Variants in GADD45GIP1 observed in about 807,000 individuals in gnomAD.
The protein encoded by GADD45GIP1 is GADD45G interacting protein 1, also known as large ribosomal subunit protein mL64.
Under a neutral mutation model 22.1 loss-of-function variants are expected in GADD45GIP1, and 17 were observed. That is an observed-to-expected ratio of 0.77 (90% CI 0.53 to 1.15). The LOEUF (loss-of-function observed/expected upper bound fraction) is 1.15, where lower values mean the gene tolerates loss of function less well. Among genes scored for constraint, GADD45GIP1 ranks in the 50% most tolerant of loss-of-function variants. The pLI, the probability that GADD45GIP1 is intolerant of heterozygous loss-of-function variation, is 0.00. For synonymous variants in GADD45GIP1, 135 were observed against 138.4 expected, an observed-to-expected ratio of 0.98 and a Z score of 0.17; for missense variants, 294 against 314.0, an observed-to-expected ratio of 0.94 and a Z score of 0.48.
At position 12,953,890 on chromosome 19, in the gene GADD45GIP1, A is replaced by C; in HGVS notation, c.*318T>G. The stretch of plus-strand genomic sequence containing the variant: ...ATCATCACCACAGTCTGTTTTGGCT[A>C]TACTTCCCCCCCCACCAGCCTTGTA... On this transcript the variant is annotated 3_prime_UTR_variant, in exon 2 of 2. Transcript: ENST00000316939. 1 of 267,928 alleles carries C rather than the reference A, an allele frequency of 3.7e-6. No homozygotes were observed. The highest frequency in any genetic ancestry group is 2.2e-5 in the African/African-American group (1 of 44,620). The allele number at this position is 267,928 out of a possible 1,614,324, so 16.6% of individuals were successfully genotyped here. A position where few individuals can be genotyped will look rare whatever the true frequency, so the allele number is the denominator to read the frequency against.
chr19:12,954,924 C>A (rs1483799672), intron 1 of GADD45GIP1, among the ~76,000 whole-genome samples: 1 of 152,210 alleles, frequency 6.6e-6, no homozygotes, highest in Non-Finnish European at 1.5e-5. Context: ...CATTTCCCAC[C>A]AATCCTTGAG....
Position 12,956,916 on chromosome 19 carries a change from C to T in GADD45GIP1, c.297G>A (p.Met99Ile). The T allele has an allele frequency of 1.3e-6, 2 of 1,599,842 alleles. No individual in the cohort carries two copies. The highest frequency in any genetic ancestry group is 1.7e-6 in the Non-Finnish European group (2 of 1,179,802). The change falls in exon 1 of 2, where the codon ATG becomes ATA. Residue 99 changes from methionine (M) to isoleucine (I), a missense_variant. Physicochemically the swap from Met to Ile is conservative, Grantham distance 10. Coordinates refer to ENST00000316939, the MANE Select transcript of GADD45GIP1 (RefSeq NM_052850.4). ...EREWYPSLAT[M>I]QESLRVKQLA... Reference sequence around the variant, plus strand: ...GCTGCTTCACCCGCAGCGACTCCTGCATGGTCGCCAGGCTCGGGTACCATT... The same window carrying T: ...GCTGCTTCACCCGCAGCGACTCCTGTATGGTCGCCAGGCTCGGGTACCATT...
In GADD45GIP1 at chr19:12,953,318, CT is replaced by C; in HGVS notation, c.*889del. The C allele has an allele frequency of 3.4e-6, 1 of 292,658 alleles. No homozygotes were observed. Among genetic ancestry groups the C allele is most frequent in the Admixed American group, 4.9e-5 (1 of 20,246 alleles). The allele number at this position is 292,658 out of a possible 1,614,324, so 18.1% of individuals were successfully genotyped here. A position where few individuals can be genotyped will look rare whatever the true frequency, so the allele number is the denominator to read the frequency against. On this transcript the variant is annotated 3_prime_UTR_variant, in exon 2 of 2. Transcript: ENST00000316939. Reference sequence around the variant, plus strand: ...GGACTGGGAGGCGACAGATGGGCCCCTCTTGGCCTCTGTCCCAGCTCTCTGC... The same window carrying C: ...GGACTGGGAGGCGACAGATGGGCCCCCTTGGCCTCTGTCCCAGCTCTCTGC...
Position 12,953,181 on chromosome 19 carries a change from G to C in GADD45GIP1, c.*1027C>G. 1 of 664,120 alleles carries C rather than the reference G, an allele frequency of 1.5e-6. No individual in the cohort carries two copies. Among genetic ancestry groups the C allele is most frequent in the South Asian group, 2.7e-5 (1 of 36,502 alleles). The allele number at this position is 664,120 out of a possible 1,614,324, so 41.1% of individuals were successfully genotyped here. On this transcript the variant is annotated 3_prime_UTR_variant, in exon 2 of 2. Transcript: ENST00000316939. ...AAAATCAAAAATCTTAAAAAAACAA[G>C]CAAACAGTCCAGCTTCCTGTCCTCC...
Position 12,957,008 on chromosome 19 carries a change from C to G in GADD45GIP1, c.205G>C (p.Gly69Arg). The G allele has an allele frequency of 6.3e-7, 1 of 1,598,096 alleles. No homozygotes were observed. Among genetic ancestry groups the G allele is most frequent in the Non-Finnish European group, 8.5e-7 (1 of 1,179,196 alleles). ...KQFARYGAAS[G>R]VVPGSLWPSP... ...GGCCATAACGAACCGGGGACCACCC[C>G]GGAGGCGGCGCCGTAACGCGCGAAC... Residue 69 changes from glycine (G) to arginine (R), a missense_variant, in exon 1 of 2, where the codon GGG becomes CGG. Physicochemically the swap from Gly to Arg is moderately radical, Grantham distance 125 (BLOSUM62 -2). Coordinates refer to ENST00000316939, the MANE Select transcript of GADD45GIP1 (RefSeq NM_052850.4).
chr19:12,953,178 CA>C lies in GADD45GIP1; in HGVS notation c.*1029del, dbSNP rs1971863375. ...AAAAAAATCAAAAATCTTAAAAAAA[CA>C]AGCAAACAGTCCAGCTTCCTGTCCT... On this transcript the variant is annotated 3_prime_UTR_variant, in exon 2 of 2. Coordinates refer to ENST00000316939, the MANE Select transcript of GADD45GIP1 (RefSeq NM_052850.4). 1 of 680,486 alleles carries C rather than the reference CA, an allele frequency of 1.5e-6. No individual in the cohort carries two copies. The highest frequency in any genetic ancestry group is 2.3e-6 in the Non-Finnish European group (1 of 432,334). 42.2% of individuals were successfully genotyped at this position (680,486 alleles called of 1,614,324 possible). A position where few individuals can be genotyped will look rare whatever the true frequency, so the allele number is the denominator to read the frequency against.
At chr19:12,955,734 G>A (rs1413834988) in intron 1 of GADD45GIP1, among the ~76,000 whole-genome samples, 1 of 152,104 alleles carries the variant, frequency 6.6e-6, no homozygotes, top group Admixed American at 6.5e-5. Flanking sequence ...GGTGGTGGGC[G>A]CTTGTAATCC....
At chr19:12,954,556 C>A (rs562231287) in intron 1 of GADD45GIP1, 30 bp from the exon 2 acceptor site, 15 of 1,576,842 alleles carry the variant, frequency 9.5e-6, no homozygotes, top group Admixed American at 1.7e-5. Context: ...GGCTGTGACA[C>A]TGGCACTCAG....
rs753278269 is a variant in GADD45GIP1, at chr19:12,954,228, A to AGGCTGCTGGGTCTTGAGCCACAGC, written c.625_648dup (p.Ala209_Ala216dup). 1.4e-4 allele frequency: 222 copies of AGGCTGCTGGGTCTTGAGCCACAGC among 1,613,634 alleles called. No individual in the cohort carries two copies. In the African/African-American group the frequency reaches 2.8e-3, roughly 20 times the overall value. On this transcript the variant is annotated inframe_insertion, in exon 2 of 2. Transcript: ENST00000316939. ...AAGCCTCAGGAGCTGGGTGCCCCAGAGGCTGCTGGGTCTTGAGCCACAGCT... is the reference window on the plus strand; with the variant it reads ...AAGCCTCAGGAGCTGGGTGCCCCAGAGGCTGCTGGGTCTTGAGCCACAGCGGCTGCTGGGTCTTGAGCCACAGCT...
Position 12,957,130 on chromosome 19 carries a change from C to G in GADD45GIP1, c.83G>C (p.Arg28Pro). ...LAPGSRGYRARPPPRRRPGPR... is the reference protein window; with the variant it reads ...LAPGSRGYRAPPPPRRRPGPR... ...TCCCGGCCTGCGGCGCGGGGGCGGC[C>G]GCGCCCGGTAGCCACGGGAACCCGG... is the stretch of plus-strand genomic sequence containing the variant. Residue 28 changes from arginine to proline, a missense_variant, in exon 1 of 2, where the codon CGG (arginine) becomes CCG (proline). Arg to Pro is a moderately radical substitution (Grantham distance 103). Coordinates refer to ENST00000316939, the MANE Select transcript of GADD45GIP1 (RefSeq NM_052850.4). The G allele has an allele frequency of 7.1e-7, 1 of 1,413,454 alleles. No homozygotes were observed. Among genetic ancestry groups the G allele is most frequent in the Non-Finnish European group, 9.1e-7 (1 of 1,096,662 alleles). 87.6% of individuals were successfully genotyped at this position (1,413,454 alleles called of 1,614,324 possible).
intron 1 of GADD45GIP1, among the ~76,000 whole-genome samples, chr19:12,955,189 C>T (rs1043078621): frequency 2.0e-5 from 3 of 152,124 alleles, no homozygotes; most frequent in African/African-American, 7.2e-5. Flanking sequence ...AGTGAGAACA[C>T]GTTGTATTTG....
intron 1 of GADD45GIP1, 80 bp from the exon 2 acceptor site, chr19:12,954,606 C>G (rs1200853254): frequency 8.1e-7 from 1 of 1,233,600 alleles, no homozygotes; most frequent in East Asian, 2.4e-5. Context: ...ACCCATAGGC[C>G]TTTGCCCACG....
chr19:12,953,232 C>G lies in GADD45GIP1; in HGVS notation c.*976G>C. On this transcript the variant is annotated 3_prime_UTR_variant, in exon 2 of 2. Coordinates refer to ENST00000316939, the MANE Select transcript of GADD45GIP1 (RefSeq NM_052850.4). ...TAAAGTGGCCCCTGTTCCCATCTCC[C>G]GGGCCAGACAGCTGTCCCCCCGTCC... 2.2e-6 allele frequency: 1 copy of G among 451,470 alleles called. No individual in the cohort carries two copies. The highest frequency in any genetic ancestry group is 4.6e-5 in the South Asian group (1 of 21,970). The allele number at this position is 451,470 out of a possible 1,614,324, so 28.0% of individuals were successfully genotyped here.
chr19:12,955,423 C>T (rs1226375617), intron 1 of GADD45GIP1, among the ~76,000 whole-genome samples: 1 of 152,168 alleles, frequency 6.6e-6, no homozygotes, highest in Non-Finnish European at 1.5e-5. Flanking sequence ...CTTCACTTCA[C>T]CAAGCCTCAG....
intron 1 of GADD45GIP1, among the ~76,000 whole-genome samples, chr19:12,955,266 G>A (rs767211026): frequency 2.6e-5 from 4 of 152,098 alleles, no homozygotes; most frequent in African/African-American, 4.8e-5. Flanking sequence ...CCCTGCAAAG[G>A]ACATGATCTC....
rs749938008 is a variant in GADD45GIP1, at chr19:12,954,280, C to T, written c.597G>A (p.Lys199=). 1 of 1,611,638 alleles carries T rather than the reference C, an allele frequency of 6.2e-7. No individual in the cohort carries two copies. The highest frequency in any genetic ancestry group is 8.5e-7 in the Non-Finnish European group (1 of 1,179,798). ...CAGCCAATGCAGCAGCTCGCGCCTC[C>T]TTCTTCCGTTTCTGTTTTTCCTCCT... ...RLKEEKQKRK[K]EARAAALAAA... is the part of the protein sequence containing the mutation. Residue 199 remains lysine (K), a synonymous_variant, in exon 2 of 2, where the codon AAG becomes AAA. Coordinates refer to ENST00000316939, the MANE Select transcript of GADD45GIP1 (RefSeq NM_052850.4).
intron 1 of GADD45GIP1, among the ~76,000 whole-genome samples, chr19:12,954,926 A>G (rs1306778068): frequency 3.3e-5 from 5 of 152,052 alleles, no homozygotes; most frequent in Admixed American, 6.6e-5. Flanking sequence ...TTTCCCACCA[A>G]TCCTTGAGTT....
intron 1 of GADD45GIP1, 75 bp downstream of exon 1, chr19:12,956,788 G>C: frequency 7.4e-7 from 1 of 1,358,922 alleles, no homozygotes; most frequent in Non-Finnish European, 1.0e-6. Context: ...GACCCCGAAG[G>C]GGTAGGCACG....
At position 12,957,047 on chromosome 19, in the gene GADD45GIP1, AG is replaced by A; in HGVS notation, c.165del (p.Tyr56ThrfsTer50). ...TAACGCGCGAACTGCTTAGCCGCGT[AG>A]CGCGGTCCCAGCTGCCACCGCGGGG... is the stretch of plus-strand genomic sequence containing the variant. ...LLTPRWQLGP[R>X]YAAKQFARYG... On this transcript the variant is annotated frameshift_variant, in exon 1 of 2. Transcript: ENST00000316939. LOFTEE classifies it high-confidence loss of function. The A allele has an allele frequency of 6.3e-7, 1 of 1,583,664 alleles. No individual in the cohort carries two copies. The highest frequency in any genetic ancestry group is 8.5e-7 in the Non-Finnish European group (1 of 1,173,162).
Sources: allele counts gnomAD v4.1 joint callset (sites outside exome capture counted in the v4.1 genomes callset), GRCh38; gene constraint gnomAD v4.1.1; transcripts MANE v1.5; gene names NCBI Gene and HGNC (gene_info 2026-07-23, HGNC 2026-07-21).